ERC2: variants seen among roughly 807,000 people sequenced by gnomAD.
ERC2 encodes the protein ERC protein 2.
In ERC2, 42 loss-of-function variants were observed where a neutral mutation model predicts 114.8. The observed-to-expected ratio is 0.37, with a 90% CI of 0.29 to 0.47. ERC2 has a LOEUF of 0.47. Ranked by LOEUF, ERC2 falls within the 20% of genes least tolerant of loss-of-function variation. The pLI is 0.99. For missense variants in ERC2, 939 were observed against 1,150.7 expected, an observed-to-expected ratio of 0.82 and a Z score of 2.66; for synonymous variants, 454 against 425.5, an observed-to-expected ratio of 1.07 and a Z score of -0.82.
rs11318195 is a variant in ERC2, at chr3:55,810,465, C to CTTTTTTTTT, written c.2565-75556_2565-75548dup. 6.3e-3 allele frequency among the ~76,000 whole-genome samples: 923 copies of CTTTTTTTTT among 146,414 alleles called. 10 individuals are homozygous for CTTTTTTTTT. The highest frequency in any genetic ancestry group is 0.022 in the African/African-American group (869 of 39,720). ...ATATGTAGAAGGTCTCTCTCTCCCT[C>CTTTTTTTTT]TTTTTTTTTTTGTTTGAGACGGAGT... On this transcript the variant is annotated intron_variant, in intron 14 of 17. Transcript: ENST00000288221.
intron 14 of ERC2, among the ~76,000 whole-genome samples, chr3:55,768,692 G>A (rs1269017909): frequency 2.0e-5 from 3 of 152,134 alleles, no homozygotes; most frequent in South Asian, 2.1e-4. Context: ...AAGTGTAAAC[G>A]CTGTGAGGCA....
At chr3:56,175,018 G>A (rs1293142989) in intron 3 of ERC2, among the ~76,000 whole-genome samples, 1 of 151,748 alleles carries the variant, frequency 6.6e-6, no homozygotes, top group Non-Finnish European at 1.5e-5. Context: ...TGTAAAAGCT[G>A]TCAGAACACT....
intron 3 of ERC2, among the ~76,000 whole-genome samples, chr3:56,287,053 C>T (rs139539165): frequency 6.6e-6 from 1 of 152,206 alleles, no homozygotes; most frequent in African/African-American, 2.4e-5. Context: ...ACTTAAGAGA[C>T]CCCTCAACCT....
chr3:56,148,993 T>C lies in ERC2; in HGVS notation c.1289A>G (p.Lys430Arg), dbSNP rs755360845. ...GGACCGTACCTTGGTCTTCATAAACTTGGAGTGACTTTTGTAAACCTCAAT... is the reference window on the plus strand; with the variant it reads ...GGACCGTACCTTGGTCTTCATAAACCTGGAGTGACTTTTGTAAACCTCAAT... ...KQIEVYKSHSKFMKTKIDQLK... is the reference protein window; with the variant it reads ...KQIEVYKSHSRFMKTKIDQLK... The change falls in exon 5 of 18, where the codon AAG becomes AGG. Residue 430 changes from lysine (K) to arginine (R), a missense_variant. Physicochemically the swap from Lys to Arg is conservative, Grantham distance 26. Around this residue, in one of 5 missense-constraint regions of ERC2, gnomAD observed 148 missense variants for 159.1 expected, o/e 0.93. Transcript: ENST00000288221. 1.2e-6 allele frequency: 2 copies of C among 1,613,304 alleles called. No individual in the cohort carries two copies. Among genetic ancestry groups the C allele is most frequent in the Admixed American group, 3.3e-5 (2 of 59,966 alleles).
At chr3:55,950,678 G>T in intron 12 of ERC2, 118 bp from the exon 13 acceptor site, 1 of 1,094,656 alleles carries the variant, frequency 9.1e-7, no homozygotes. Context: ...GGAAAAAGAT[G>T]ATACTTCTGA....
At chr3:55,904,243 T>A (rs80284383) in intron 13 of ERC2, among the ~76,000 whole-genome samples, 1 of 152,100 alleles carries the variant, frequency 6.6e-6, no homozygotes, top group African/African-American at 2.4e-5. Context: ...CCAAAATGGA[T>A]ACAGATCATA....
At chr3:56,055,315 A>G (rs2075966007) in intron 7 of ERC2, among the ~76,000 whole-genome samples, 1 of 152,222 alleles carries the variant, frequency 6.6e-6, no homozygotes, top group Non-Finnish European at 1.5e-5. Context: ...AAAGACAGTC[A>G]TAGTTGCCTT....
At chr3:55,953,099 G>A (rs2067695625) in intron 12 of ERC2, among the ~76,000 whole-genome samples, 1 of 151,980 alleles carries the variant, frequency 6.6e-6, no homozygotes, top group African/African-American at 2.4e-5. Flanking sequence ...CAGGTACTCG[G>A]GAGGCTGAGG....
At chr3:56,452,438 A>G (rs2062863698) in intron 1 of ERC2, among the ~76,000 whole-genome samples, 1 of 152,252 alleles carries the variant, frequency 6.6e-6, no homozygotes, top group Non-Finnish European at 1.5e-5. Context: ...CAATTTAGTT[A>G]ATGCAGTTAA....
At chr3:55,741,692 C>T (rs991638206) in intron 14 of ERC2, among the ~76,000 whole-genome samples, 3 of 152,062 alleles carry the variant, frequency 2.0e-5, no homozygotes, top group African/African-American at 7.2e-5. Context: ...ACATTGCCAT[C>T]CTCAAGTACC....
At chr3:55,635,891 T>C (rs1197497309) in intron 17 of ERC2, among the ~76,000 whole-genome samples, 1 of 152,092 alleles carries the variant, frequency 6.6e-6, no homozygotes, top group Non-Finnish European at 1.5e-5. Flanking sequence ...TATTTTGTTT[T>C]ATTTTTTGAG....
At chr3:55,940,176 C>T (rs12491186) in intron 13 of ERC2, among the ~76,000 whole-genome samples, 16,016 of 152,080 alleles carry the variant, frequency 0.11, 1,247 homozygotes, top group East Asian at 0.24. Context: ...GCCTCCCCTG[C>T]TTGGAAGGTG....
chr3:55,595,873 C>A (rs188256965), intron 17 of ERC2, among the ~76,000 whole-genome samples: 47 of 151,990 alleles, frequency 3.1e-4, no homozygotes, highest in Admixed American at 3.0e-3. Context: ...TAGGTCTTAG[C>A]AAATGAAAGT....
intron 17 of ERC2, among the ~76,000 whole-genome samples, chr3:55,582,367 ATTC>A (rs1395250306): frequency 9.2e-5 from 14 of 152,202 alleles, no homozygotes; most frequent in Non-Finnish European, 1.5e-5. Flanking sequence ...CTGATCAGTT[ATTC>A]TTCTCAGAGT....
Position 55,736,890 on chromosome 3 carries a change from G to A in ERC2, c.2565-1972C>T, listed in dbSNP as rs554141405. 1.2e-4 allele frequency among the ~76,000 whole-genome samples: 19 copies of A among 152,234 alleles called. No individual in the cohort carries two copies. The South Asian group carries it at 1.9e-3, about 15-fold the overall frequency. ...TGGAATTTTCTGGGATGATTTTTGCGTAGGAAATAGCTCTCCTGGGTGTGT... is the reference window on the plus strand; with the variant it reads ...TGGAATTTTCTGGGATGATTTTTGCATAGGAAATAGCTCTCCTGGGTGTGT... On this transcript the variant is annotated intron_variant, in intron 14 of 17. Coordinates refer to ENST00000288221, the MANE Select transcript of ERC2 (RefSeq NM_015576.3).
chr3:56,235,621 A>C (rs1458604040), intron 3 of ERC2, among the ~76,000 whole-genome samples: 1 of 152,140 alleles, frequency 6.6e-6, no homozygotes, highest in Non-Finnish European at 1.5e-5. Context: ...GACCGAGTCC[A>C]AGTTCCAGAC....
At chr3:55,869,466 C>T (rs1269026249) in intron 14 of ERC2, among the ~76,000 whole-genome samples, 1 of 152,146 alleles carries the variant, frequency 6.6e-6, no homozygotes, top group African/African-American at 2.4e-5. Flanking sequence ...TCTTTTTATT[C>T]ACCATTTGAA....
intron 4 of ERC2, among the ~76,000 whole-genome samples, chr3:56,168,591 C>G (rs1244684930): frequency 6.6e-6 from 1 of 152,078 alleles, no homozygotes; most frequent in Non-Finnish European, 1.5e-5. Flanking sequence ...TCTAGGTTTG[C>G]CTTTGAACTC....
At chr3:56,457,140 T>A (rs555071194) in intron 1 of ERC2, among the ~76,000 whole-genome samples, 1 of 152,200 alleles carries the variant, frequency 6.6e-6, no homozygotes, top group East Asian at 1.9e-4. Context: ...TCTAACAAAG[T>A]CAGTTTCATT....
Sources: allele counts gnomAD v4.1 joint callset (sites outside exome capture counted in the v4.1 genomes callset), GRCh38; gene constraint gnomAD v4.1.1; regional missense constraint gnomAD v4.1.1; transcripts MANE v1.5; gene names NCBI Gene and HGNC (gene_info 2026-07-23, HGNC 2026-07-21).